The following TMC7 variants were observed in gnomAD, a reference collection of about 807,000 sequenced individuals.
TMC7 encodes the protein transmembrane channel-like protein 7.
In TMC7, 54 loss-of-function variants were observed where a neutral mutation model predicts 82.9. The ratio of observed to expected loss-of-function variants is 0.65; its 90% CI spans 0.52 to 0.82. The LOEUF (loss-of-function observed/expected upper bound fraction) is 0.82, where lower values mean the gene tolerates loss of function less well. Ranked by LOEUF, TMC7 falls within the 40% of genes least tolerant of loss-of-function variation. The pLI is 0.00. For missense variants in TMC7, 820 were observed against 901.2 expected, an observed-to-expected ratio of 0.91 and a Z score of 1.15; for synonymous variants, 350 against 337.9, an observed-to-expected ratio of 1.04 and a Z score of -0.39.
intron 1 of TMC7, among the ~76,000 whole-genome samples, chr16:18,987,922 G>C (rs1001379334): frequency 6.6e-6 from 1 of 152,140 alleles, no homozygotes; most frequent in Non-Finnish European, 1.5e-5. Context: ...GGTGGGACTT[G>C]GTCTGGAGCA....
intron 5 of TMC7, among the ~76,000 whole-genome samples, chr16:19,024,647 C>A (rs1388234901): frequency 6.6e-6 from 1 of 151,938 alleles, no homozygotes; most frequent in Admixed American, 6.6e-5. Flanking sequence ...TAATCTCAAA[C>A]TCCTGGGCTT....
rs960474458 is a variant in TMC7 at position 19,021,782 on chromosome 16, C to G, written c.614C>G (p.Pro205Arg). 5.0e-6 allele frequency: 8 copies of G among 1,614,014 alleles called. No homozygotes were observed. The highest frequency in any genetic ancestry group is 6.8e-6 in the Non-Finnish European group (8 of 1,180,020). The part of the protein sequence containing the change: ...KITNSSFVLI[P>R]FKDMDKQCTV... ...ACCAACAGCAGCTTCGTGCTCATTC[C>G]TTTCAAAGACATGGGTGAGTGTAAG... Residue 205 changes from proline to arginine, a missense_variant, in exon 4 of 16, where the codon CCT (proline) becomes CGT (arginine). By Grantham distance (103) the Pro-to-Arg change is moderately radical. Around this residue, in one of 2 missense-constraint regions of TMC7, gnomAD observed 650 missense variants for 669.9 expected, o/e 0.97. Transcript: ENST00000304381.
intron 1 of TMC7, 22 bp from the exon 2 acceptor site, chr16:19,009,150 G>T: frequency 6.2e-7 from 1 of 1,606,682 alleles, no homozygotes; most frequent in South Asian, 1.1e-5. Flanking sequence ...AGTGAATGAT[G>T]ACTTTCTTTT....
At chr16:18,991,813 C>T (rs905324324) in intron 1 of TMC7, among the ~76,000 whole-genome samples, 1 of 152,094 alleles carries the variant, frequency 6.6e-6, no homozygotes, top group African/African-American at 2.4e-5. Context: ...TCAATTCCCA[C>T]CTATGAGTGA....
intron 1 of TMC7, among the ~76,000 whole-genome samples, chr16:18,998,533 T>A (rs2039085512): frequency 6.6e-6 from 1 of 151,686 alleles, no homozygotes; most frequent in Non-Finnish European, 1.5e-5. Flanking sequence ...GGCGGGTGGA[T>A]CACGAGGTCA....
intron 6 of TMC7, among the ~76,000 whole-genome samples, chr16:19,032,597 C>T (rs1434247371): frequency 6.7e-6 from 1 of 150,166 alleles, no homozygotes; most frequent in Non-Finnish European, 1.5e-5. Context: ...TCTTCCAAAG[C>T]CTTGGAGGGG....
chr16:19,045,073 C>G, intron 10 of TMC7, 72 bp downstream of exon 10: 1 of 1,218,788 alleles, frequency 8.2e-7, no homozygotes, highest in Non-Finnish European at 1.2e-6. Context: ...AAGAGAACAG[C>G]GGTTGAAGCC....
chr16:18,997,896 A>AT (rs879458756), intron 1 of TMC7, among the ~76,000 whole-genome samples: 93 of 148,510 alleles, frequency 6.3e-4, no homozygotes, highest in African/African-American at 1.9e-3. Context: ...TGCCCGGCTA[A>AT]TTTTTTTTTT....
chr16:19,007,518 T>C (rs980330048), intron 1 of TMC7, among the ~76,000 whole-genome samples: 3 of 152,160 alleles, frequency 2.0e-5, no homozygotes, highest in Admixed American at 6.5e-5. Context: ...TTTCCACTTA[T>C]GGGTTCCCTC....
At chr16:19,001,587 C>T (rs1368988182) in intron 1 of TMC7, among the ~76,000 whole-genome samples, 1 of 152,030 alleles carries the variant, frequency 6.6e-6, no homozygotes, top group Non-Finnish European at 1.5e-5. Context: ...GAGCCTGAGG[C>T]GAGGAGTATT....
At chr16:18,989,079 TA>T (rs2038903330) in intron 1 of TMC7, among the ~76,000 whole-genome samples, 3 of 151,652 alleles carry the variant, frequency 2.0e-5, no homozygotes, top group Non-Finnish European at 2.9e-5. Flanking sequence ...GGAATTTACA[TA>T]GTTGAACAAC....
intron 10 of TMC7, 116 bp from the exon 11 acceptor site, chr16:19,045,225 C>T: frequency 1.1e-6 from 1 of 922,812 alleles, no homozygotes; most frequent in Non-Finnish European, 1.8e-6. Flanking sequence ...CAGCTGATGC[C>T]CTCACTGGAG....
chr16:19,022,950 G>T (rs1960049587), intron 4 of TMC7, among the ~76,000 whole-genome samples, 163 bp from the exon 5 acceptor site: 1 of 152,110 alleles, frequency 6.6e-6, no homozygotes, highest in Admixed American at 6.6e-5. Context: ...AACCCAGGAG[G>T]CAGAGGCTTC....
chr16:19,027,365 C>T (rs899372750), intron 5 of TMC7, among the ~76,000 whole-genome samples: 1 of 152,052 alleles, frequency 6.6e-6, no homozygotes. Flanking sequence ...CTGTGCCCGG[C>T]CCAGAACCAC....
chr16:19,010,980 A>C (rs1959301238), intron 2 of TMC7, among the ~76,000 whole-genome samples: 1 of 152,172 alleles, frequency 6.6e-6, no homozygotes, highest in Non-Finnish European at 1.5e-5. Context: ...GTCTAACAAG[A>C]TCACAGTCCA....
chr16:19,050,342 G>C (rs1333015713), intron 12 of TMC7, among the ~76,000 whole-genome samples: 2 of 118,970 alleles, frequency 1.7e-5, no homozygotes, highest in African/African-American at 3.1e-5. Context: ...ACTCCAGCCT[G>C]GGAGACAGAG....
rs557578595 is a variant in TMC7 at position 18,998,440 on chromosome 16, C to G, written c.68-10732C>G. 3.3e-5 allele frequency among the ~76,000 whole-genome samples: 5 copies of G among 152,306 alleles called. No homozygotes were observed. In the South Asian group the frequency reaches 1.0e-3, roughly 32 times the overall value. On this transcript the variant is annotated intron_variant, in intron 1 of 15. Coordinates refer to ENST00000304381, the MANE Select transcript of TMC7 (RefSeq NM_024847.4). ...AGTAACTGCCCCACAGACCCCTGAC[C>G]AGATGCTCCACGGGCATGAAAAGCA...
At chr16:19,011,994 T>C (rs1959377051) in intron 2 of TMC7, among the ~76,000 whole-genome samples, 1 of 151,946 alleles carries the variant, frequency 6.6e-6, no homozygotes, top group Non-Finnish European at 1.5e-5. Context: ...TTACAAAATT[T>C]AGCTGGGCAT....
intron 8 of TMC7, among the ~76,000 whole-genome samples, chr16:19,039,085 CT>C (rs1567522341): frequency 1.5e-5 from 2 of 131,750 alleles, no homozygotes; most frequent in African/African-American, 5.8e-5. Flanking sequence ...TTTCTTCTTT[CT>C]TTTTTCTTTT....
Sources: gnomAD v4.1 joint callset for allele counts (sites outside exome capture counted in the v4.1 genomes callset) on GRCh38, gnomAD v4.1.1 for gene constraint, gnomAD v4.1.1 regional missense constraint, MANE v1.5 for transcripts, NCBI Gene and HGNC (gene_info 2026-07-23, HGNC 2026-07-21) for gene names.